Variants in MSRA observed in about 807,000 individuals in gnomAD.
MSRA encodes the protein methionine sulfoxide reductase A.
MSRA carries 54 observed loss-of-function variants against 31.3 expected under a neutral mutation model. The observed-to-expected ratio is 1.73, with a 90% CI of 1.39 to 2.17. The LOEUF (loss-of-function observed/expected upper bound fraction) is 2.17. Ranked by LOEUF, MSRA falls within the 30% of genes most tolerant of loss-of-function variation. The pLI is 0.00. For synonymous variants in MSRA, 169 were observed against 116.5 expected (o/e 1.45, Z -2.90); for missense variants, 507 against 300.9 (o/e 1.69, Z -5.07).
intron 3 of MSRA, among the ~76,000 whole-genome samples, chr8:10,266,868 A>G (rs1401347895): frequency 6.6e-6 from 1 of 152,190 alleles, no homozygotes; most frequent in Non-Finnish European, 1.5e-5. Context: ...GTCATATTAA[A>G]ATGCAAAGGT....
chr8:10,414,192 GT>G (rs1455742114), intron 5 of MSRA, among the ~76,000 whole-genome samples: 1 of 152,090 alleles, frequency 6.6e-6, no homozygotes. Flanking sequence ...CGAATTTTAT[GT>G]GAACTACCTC....
At chr8:10,327,823 C>G (rs1028445401) in intron 5 of MSRA, among the ~76,000 whole-genome samples, 2 of 152,082 alleles carry the variant, frequency 1.3e-5, no homozygotes, top group Admixed American at 1.3e-4. Flanking sequence ...GTCCCAGCTA[C>G]TCATGAGGCT....
chr8:10,365,875 G>A (rs1421281800), intron 5 of MSRA, among the ~76,000 whole-genome samples: 1 of 152,218 alleles, frequency 6.6e-6, no homozygotes, highest in African/African-American at 2.4e-5. Flanking sequence ...AGGACTCCTG[G>A]CTCCAGGCAT....
rs558522149 is a variant in MSRA at position 10,219,930 on chromosome 8, T to G, written c.211+12029T>G. Among the ~76,000 whole-genome samples the G allele has an allele frequency of 1.4e-4, 21 of 151,396 alleles. No individual in the cohort carries two copies. The East Asian group carries it at 4.1e-3, about 29-fold the overall frequency. ...GGCAATCAAAATCAAACAGTGCCAGTTCTTTTTTTTCAGGAATAACTGGAA... is the reference window on the plus strand; with the variant it reads ...GGCAATCAAAATCAAACAGTGCCAGGTCTTTTTTTTCAGGAATAACTGGAA... On this transcript the variant is annotated intron_variant, in intron 2 of 5. Coordinates refer to ENST00000317173, the MANE Select transcript of MSRA (RefSeq NM_012331.5).
chr8:10,146,590 C>A (rs1803164227), intron 1 of MSRA, among the ~76,000 whole-genome samples: 1 of 152,024 alleles, frequency 6.6e-6, no homozygotes, highest in Non-Finnish European at 1.5e-5. Context: ...TGACAGTGTT[C>A]TGAAATGGAA....
chr8:10,126,039 C>G (rs964667854), intron 1 of MSRA, among the ~76,000 whole-genome samples: 3 of 152,228 alleles, frequency 2.0e-5, no homozygotes, highest in African/African-American at 7.2e-5. Context: ...ACTTCTCCAT[C>G]TTTAGAAGGA....
At chr8:10,412,457 T>C (rs374120807) in intron 5 of MSRA, among the ~76,000 whole-genome samples, 2 of 152,230 alleles carry the variant, frequency 1.3e-5, no homozygotes, top group African/African-American at 4.8e-5. Context: ...ATATTACATG[T>C]GATATAAACT....
intron 1 of MSRA, among the ~76,000 whole-genome samples, chr8:10,059,284 C>T (rs894936876): frequency 2.6e-5 from 4 of 152,098 alleles, no homozygotes; most frequent in Non-Finnish European, 5.9e-5. Context: ...GTCTTGTATG[C>T]CAGGCACTGT....
chr8:10,245,218 G>T lies in MSRA; in HGVS notation c.326G>T (p.Cys109Phe). The T allele has an allele frequency of 1.2e-6, 2 of 1,612,936 alleles. No homozygotes were observed. Among genetic ancestry groups the T allele is most frequent in the South Asian group, 2.2e-5 (2 of 90,802 alleles). Reference protein sequence around the residue: ...YTSNPTYKEVCSEKTGHAEVV... With the variant: ...YTSNPTYKEVFSEKTGHAEVV... ...TCAAATCCTACTTATAAAGAAGTCT[G>T]CTCAGGTAGGAAGAATTTGCTTTAT... is the stretch of plus-strand genomic sequence containing the variant. Residue 109 changes from cysteine (C) to phenylalanine (F), a missense_variant, in exon 3 of 6, where the codon TGC (cysteine) becomes TTC (phenylalanine). Transcript: ENST00000317173.
intron 1 of MSRA, among the ~76,000 whole-genome samples, chr8:10,056,658 G>A (rs1802390859): frequency 6.6e-6 from 1 of 151,932 alleles, no homozygotes; most frequent in Admixed American, 6.6e-5. Context: ...TCTGAGCCTT[G>A]AGAGGTTGCT....
intron 1 of MSRA, among the ~76,000 whole-genome samples, chr8:10,062,875 T>C (rs1156901372): frequency 6.6e-6 from 1 of 152,188 alleles, no homozygotes; most frequent in Non-Finnish European, 1.5e-5. Flanking sequence ...CACTGAGTTG[T>C]CATCAGGTAG....
intron 3 of MSRA, among the ~76,000 whole-genome samples, chr8:10,275,625 C>T (rs1003625759): frequency 5.3e-5 from 8 of 152,216 alleles, no homozygotes; most frequent in African/African-American, 1.9e-4. Context: ...CTAGGATTCA[C>T]ACCTGAGTCT....
intron 1 of MSRA, among the ~76,000 whole-genome samples, chr8:10,204,912 A>G (rs923930331): frequency 6.6e-6 from 1 of 152,194 alleles, no homozygotes; most frequent in African/African-American, 2.4e-5. Flanking sequence ...CTTGCAGTCT[A>G]CTGATAGATG....
intron 1 of MSRA, among the ~76,000 whole-genome samples, chr8:10,169,041 T>C (rs1805380116): frequency 6.6e-6 from 1 of 152,208 alleles, no homozygotes; most frequent in African/African-American, 2.4e-5. Flanking sequence ...ATTCGTATGA[T>C]TTTCCCCATA....
chr8:10,297,788 C>T (rs191307089), intron 3 of MSRA, among the ~76,000 whole-genome samples: 2 of 152,284 alleles, frequency 1.3e-5, no homozygotes, highest in East Asian at 1.9e-4. Context: ...CCACAAATAA[C>T]GTCAGTGGCA....
chr8:10,103,059 T>C (rs1014673406), intron 1 of MSRA, among the ~76,000 whole-genome samples: 19 of 152,182 alleles, frequency 1.2e-4, no homozygotes, highest in Admixed American at 1.0e-3. Flanking sequence ...CACTAGCACA[T>C]TGAATAAAAG....
chr8:10,205,366 G>A (rs1261369818), intron 1 of MSRA, among the ~76,000 whole-genome samples: 1 of 152,144 alleles, frequency 6.6e-6, no homozygotes. Context: ...TGGCAGATTG[G>A]ATGTGGGGAG....
At chr8:10,339,117 G>C (rs903550211) in intron 5 of MSRA, among the ~76,000 whole-genome samples, 1 of 152,176 alleles carries the variant, frequency 6.6e-6, no homozygotes, top group Non-Finnish European at 1.5e-5. Flanking sequence ...GTGGCTGACA[G>C]ATGAAAATTT....
chr8:10,365,414 A>C (rs1169308508), intron 5 of MSRA, among the ~76,000 whole-genome samples: 1 of 152,210 alleles, frequency 6.6e-6, no homozygotes, highest in East Asian at 1.9e-4. Context: ...TTTCATCTTA[A>C]AATAACGCCT....
Sources: allele counts gnomAD v4.1 joint callset (sites outside exome capture counted in the v4.1 genomes callset), GRCh38; gene constraint gnomAD v4.1.1; transcripts MANE v1.5; gene names NCBI Gene and HGNC (gene_info 2026-07-23, HGNC 2026-07-21).